PPP1R11: variants seen among roughly 807,000 people sequenced by gnomAD.
The protein encoded by PPP1R11 is E3 ubiquitin-protein ligase PPP1R11.
A neutral mutation model predicts 11.3 loss-of-function variants in PPP1R11; 10 were observed. That is an observed-to-expected ratio of 0.88 (90% confidence interval 0.55 to 1.50). The LOEUF is 1.50. Ranked by LOEUF, PPP1R11 falls within the 40% of genes most tolerant of loss-of-function variation. PPP1R11 has a pLI of 0.00. For missense variants in PPP1R11, 114 were observed against 179.1 expected (o/e 0.64, Z 2.07); for synonymous variants, 56 against 62.3 (o/e 0.90, Z 0.48).
At chr6:30,064,314 A>T (rs1480348803), upstream of PPP1R11, among the ~76,000 whole-genome samples, 2 of 150,928 alleles carry the variant, frequency 1.3e-5, no homozygotes, top group Admixed American at 6.6e-5. Flanking sequence ...AATTTTTTTT[A>T]AATAAAAAGA....
chr6:30,062,412 T>A (rs9261271), upstream of PPP1R11: 49,056 of 973,520 alleles, frequency 0.05, 1,612 homozygotes, highest in East Asian at 0.074. Flanking sequence ...TTGTACGAAA[T>A]GGCCGTTTCC....
At chr6:30,067,062 A>C (rs116031768), upstream of PPP1R11, 1,065 of 303,872 alleles carry the variant, frequency 3.5e-3, 22 homozygotes, top group African/African-American at 0.022. Context: ...ACCCGCAGTG[A>C]CACCCCTTCC....
chr6:30,067,611 T>C, intron 1 of PPP1R11, 132 bp downstream of exon 1: 5 of 1,166,526 alleles, frequency 4.3e-6, no homozygotes, highest in Non-Finnish European at 6.2e-6. Flanking sequence ...TATCTAGGGC[T>C]GGGAGAATCG....
chr6:30,061,335 T>C, the PPP1R11 span: 13 of 612,430 alleles, frequency 2.1e-5, no homozygotes, highest in Admixed American at 3.9e-4. The surrounding 1 kb of genome is among the most constrained non-coding windows in gnomAD (Gnocchi z 5.0). Context: ...TCCAAGTCCT[T>C]TAGTACCCGA....
At chr6:30,062,017 G>A, upstream of PPP1R11, 1 of 1,612,794 alleles carries the variant, frequency 6.2e-7, no homozygotes, top group Non-Finnish European at 8.5e-7. Flanking sequence ...AGGGACCTGT[G>A]GTAAGCTAAT....
Position 30,067,269 on chromosome 6 carries a change from C to G in PPP1R11, c.-142C>G. ...CCCCAGGGGTGGAGAAGCGGAGGCC[C>G]AGGAGGAGGGGGAATAAAGAAGGTG... On this transcript the variant is annotated 5_prime_UTR_variant, in exon 1 of 3. Transcript: ENST00000376772. 1 of 850,192 alleles carries G rather than the reference C, an allele frequency of 1.2e-6. No homozygotes were observed. Among genetic ancestry groups the G allele is most frequent in the Non-Finnish European group, 1.8e-6 (1 of 546,376 alleles). The allele number at this position is 850,192 out of a possible 1,614,324, so 52.7% of individuals were successfully genotyped here. A position where few individuals can be genotyped will look rare whatever the true frequency, so the allele number is the denominator to read the frequency against.
At chr6:30,063,676 T>G (rs766605197), upstream of PPP1R11, among the ~76,000 whole-genome samples, 1 of 152,172 alleles carries the variant, frequency 6.6e-6, no homozygotes, top group African/African-American at 2.4e-5. This position sits in a 1 kb window ranked among gnomAD's most constrained non-coding sequence, Gnocchi z 4.1. Context: ...TGACTATAAA[T>G]TCGAGTTTTT....
rs1270830582 is a variant in PPP1R11, at chr6:30,067,479, C to G, written c.69C>G (p.Pro23=). The G allele has an allele frequency of 3.7e-6, 6 of 1,613,756 alleles. No homozygotes were observed. Among genetic ancestry groups the G allele is most frequent in the South Asian group, 2.2e-5 (2 of 91,060 alleles). Residue 23 remains proline, a splice_region_variant and synonymous_variant, in exon 1 of 3, where the codon CCC becomes CCG. Transcript: ENST00000376772. The part of the protein sequence containing the change: ...TETTVTVTTE[P]ENRSLTIKLR... ...CAACGGTTACCGTGACAACCGAGCC[C>G]GTGAGAAAGGCGGGGGGGCGGTGCT...
the PPP1R11 span, chr6:30,061,548 T>A: frequency 6.2e-7 from 1 of 1,613,096 alleles, no homozygotes; most frequent in Non-Finnish European, 8.5e-7. The surrounding 1 kb of genome is among the most constrained non-coding windows in gnomAD (Gnocchi z 5.0). Flanking sequence ...ACCTCGCCAA[T>A]ACTTGCTCCA....
chr6:30,067,554 G>C (rs1408959738), intron 1 of PPP1R11, 75 bp downstream of exon 1: 8 of 1,528,526 alleles, frequency 5.2e-6, no homozygotes, highest in East Asian at 2.3e-5. Context: ...GATTAGAAGA[G>C]TTGTTGGAGG....
At chr6:30,064,537 AGTTT>A (rs1765357050), upstream of PPP1R11, 1 of 631,896 alleles carries the variant, frequency 1.6e-6, no homozygotes, top group Non-Finnish European at 2.6e-6. Context: ...TAGAATTGGA[AGTTT>A]GTTTAGGGGA....
chr6:30,061,297 A>G, the PPP1R11 span: 1 of 462,814 alleles, frequency 2.2e-6, no homozygotes, highest in Non-Finnish European at 3.8e-6. The surrounding 1 kb of genome is among the most constrained non-coding windows in gnomAD (Gnocchi z 5.0). Flanking sequence ...GAGTTGGTTA[A>G]CTCCTCTCAC....
chr6:30,062,714 C>CCTTTTT (rs749507630), upstream of PPP1R11, among the ~76,000 whole-genome samples: 118 of 42,386 alleles, frequency 2.8e-3, 12 homozygotes, highest in African/African-American at 8.8e-3. Context: ...CCACGCCTGG[C>CCTTTTT]TTTTTTTTTT....
chr6:30,061,543 G>A, the PPP1R11 span: 1 of 1,612,926 alleles, frequency 6.2e-7, no homozygotes, highest in Non-Finnish European at 8.5e-7. This position sits in a 1 kb window ranked among gnomAD's most constrained non-coding sequence, Gnocchi z 5.0. Flanking sequence ...CATGGACCTC[G>A]CCAATACTTG....
upstream of PPP1R11, chr6:30,064,754 G>A: frequency 6.5e-7 from 1 of 1,527,632 alleles, no homozygotes. Flanking sequence ...GAAGGATACT[G>A]GGTTTTTAGA....
At chr6:30,061,286 G>A in the PPP1R11 span, 11 of 426,076 alleles carry the variant, frequency 2.6e-5, no homozygotes, top group East Asian at 3.6e-4. The surrounding 1 kb of genome is among the most constrained non-coding windows in gnomAD (Gnocchi z 5.0). Context: ...TCTAGCCCAC[G>A]GAGTTGGTTA....
intron 1 of PPP1R11, among the ~76,000 whole-genome samples, chr6:30,068,028 T>A (rs9261284): frequency 0.052 from 7,913 of 152,256 alleles, 256 homozygotes; most frequent in Admixed American, 0.068. Context: ...AGGGAGAAGG[T>A]TGCATTGGGC....
At position 30,069,704 on chromosome 6, in the gene PPP1R11, C is replaced by T. The variant is rs751706395; in HGVS notation, c.*398C>T. 7.0e-5 allele frequency: 15 copies of T among 213,440 alleles called. No homozygotes were observed. Among genetic ancestry groups the T allele is most frequent in the Non-Finnish European group, 1.3e-4 (14 of 108,474 alleles). The allele number at this position is 213,440 out of a possible 1,614,324, so 13.2% of individuals were successfully genotyped here. A position where few individuals can be genotyped will look rare whatever the true frequency, so the allele number is the denominator to read the frequency against. On this transcript the variant is annotated 3_prime_UTR_variant, in exon 3 of 3. Coordinates refer to ENST00000376772, the MANE Select transcript of PPP1R11 (RefSeq NM_021959.3). This position sits in a 1 kb window ranked among gnomAD's most constrained non-coding sequence, Gnocchi z 6.6. Reference sequence around the variant, plus strand: ...GTCCCAGTCAGATTCCAGGAATTTGCGCCCTAACTTTGCTTGCTAATCCTG... The same window carrying T: ...GTCCCAGTCAGATTCCAGGAATTTGTGCCCTAACTTTGCTTGCTAATCCTG...
In PPP1R11 at chr6:30,068,654, G is replaced by A. The variant is rs1259742686; in HGVS notation, c.134G>A (p.Ser45Asn). ...RKPEKKVEWT[S>N]DTVDNEHMGR... ...CCAGAGAAAAAGGTAGAATGGACAA[G>A]TGACACTGTGGACAATGAACACATG... Residue 45 changes from serine (S) to asparagine (N), a missense_variant, in exon 2 of 3, where the codon AGT becomes AAT. By Grantham distance (46) the Ser-to-Asn change is conservative. Transcript: ENST00000376772. The A allele has an allele frequency of 1.9e-6, 3 of 1,612,912 alleles. No homozygotes were observed. The highest frequency in any genetic ancestry group is 2.5e-6 in the Non-Finnish European group (3 of 1,180,010).
Sources: allele counts gnomAD v4.1 joint callset (sites outside exome capture counted in the v4.1 genomes callset), GRCh38; gene constraint gnomAD v4.1.1; non-coding constraint Gnocchi (gnomAD v3.1); transcripts MANE v1.5; gene names NCBI Gene and HGNC (gene_info 2026-07-23, HGNC 2026-07-21).